SYNPO2: variants seen among roughly 807,000 people sequenced by gnomAD.
SYNPO2 encodes the protein synaptopodin 2, also known as synaptopodin-2.
A neutral mutation model predicts 85.0 loss-of-function variants in SYNPO2; 56 were observed. The observed-to-expected ratio is 0.66, with a 90% CI of 0.53 to 0.82. The LOEUF (loss-of-function observed/expected upper bound fraction) is 0.82, where lower values mean the gene tolerates loss of function less well. Ranked by LOEUF, SYNPO2 falls within the 40% of genes least tolerant of loss-of-function variation. The pLI is 0.00. For synonymous variants in SYNPO2, 602 were observed against 591.1 expected (o/e 1.02, Z -0.27); for missense variants, 1,575 against 1,534.2 (o/e 1.03, Z -0.44).
intron 1 of SYNPO2, among the ~76,000 whole-genome samples, chr4:118,946,971 T>G (rs1734526224): frequency 6.6e-6 from 1 of 152,248 alleles, no homozygotes; most frequent in Non-Finnish European, 1.5e-5. Flanking sequence ...TTAGTTGTGT[T>G]GCTTTCAGGA....
At chr4:118,930,934 AAAAT>A (rs1163564978) in intron 1 of SYNPO2, among the ~76,000 whole-genome samples, 11 of 131,326 alleles carry the variant, frequency 8.4e-5, no homozygotes, top group Middle Eastern at 4.2e-3. Flanking sequence ...AAAAAAAAAA[AAAAT>A]GGTAAGTATC....
intron 1 of SYNPO2, among the ~76,000 whole-genome samples, chr4:119,007,045 G>A (rs954042100): frequency 2.3e-4 from 34 of 150,270 alleles, no homozygotes; most frequent in African/African-American, 8.1e-4. Flanking sequence ...AATGTACTTG[G>A]CTCTTTGTAC....
intron 1 of SYNPO2, chr4:118,851,015 G>T: frequency 2.5e-6 from 1 of 398,548 alleles, no homozygotes; most frequent in South Asian, 1.3e-4. Context: ...ATTATTGCCT[G>T]CGAATATCAG....
At chr4:118,997,102 T>C (rs1295318430) in intron 1 of SYNPO2, among the ~76,000 whole-genome samples, 2 of 149,316 alleles carry the variant, frequency 1.3e-5, no homozygotes, top group Non-Finnish European at 3.0e-5. Context: ...TAGCAGGGCG[T>C]AGTGGCGGGC....
In SYNPO2 at chr4:118,986,546, T is replaced by C. The variant is rs554788585; in HGVS notation, c.106-36884T>C. Among the ~76,000 whole-genome samples the C allele has an allele frequency of 2.6e-4, 40 of 152,274 alleles. 1 individual carries two copies. In the South Asian group the frequency reaches 8.3e-3, roughly 32 times the overall value. Reference sequence around the variant, plus strand: ...CAATTGGCATTGGTGATACCAAAGGTATCTATGAGAACATCACTGGCCCAT... The same window carrying C: ...CAATTGGCATTGGTGATACCAAAGGCATCTATGAGAACATCACTGGCCCAT... On this transcript the variant is annotated intron_variant, in intron 1 of 4. Transcript: ENST00000307142.
intron 4 of SYNPO2, chr4:119,034,275 G>T (rs1561012858): frequency 6.1e-6 from 6 of 985,264 alleles, no homozygotes; most frequent in Non-Finnish European, 7.2e-6. Flanking sequence ...TGAATTAGAG[G>T]AAAGACATGG....
In SYNPO2 at chr4:119,031,650, C is replaced by T; in HGVS notation, c.2875C>T (p.Leu959Phe). Residue 959 changes from leucine (L) to phenylalanine (F), a missense_variant, in exon 4 of 5, where the codon CTC becomes TTC. By Grantham distance (22) the Leu-to-Phe change is conservative (BLOSUM62 0). This residue lies in a region of SYNPO2 where 1,508 missense variants were observed against 1,446.8 expected (regional missense o/e 1.04). Coordinates refer to ENST00000307142, the MANE Select transcript of SYNPO2 (RefSeq NM_133477.3). ...GGGCAAGAAAAAGGGAAAGAAACCC[C>T]TCAATGCATTAGATGTCATGAAGCA... ...KMGKKKGKKP[L>F]NALDVMKHQP... is the part of the protein sequence containing the mutation. 1 of 1,614,186 alleles carries T rather than the reference C, an allele frequency of 6.2e-7. No individual in the cohort carries two copies. The highest frequency in any genetic ancestry group is 8.5e-7 in the Non-Finnish European group (1 of 1,180,040).
intron 1 of SYNPO2, among the ~76,000 whole-genome samples, chr4:118,868,021 C>T (rs968238811): frequency 2.0e-5 from 3 of 148,288 alleles, no homozygotes; most frequent in African/African-American, 2.5e-5. Context: ...TTGCAGTGAC[C>T]TAATCTACTC....
At chr4:119,001,880 T>C (rs1283844857) in intron 1 of SYNPO2, among the ~76,000 whole-genome samples, 1 of 152,206 alleles carries the variant, frequency 6.6e-6, no homozygotes. Context: ...TTCTAAAATA[T>C]ACATCTGTGT....
At chr4:118,941,108 T>C (rs977436472) in intron 1 of SYNPO2, among the ~76,000 whole-genome samples, 11 of 152,162 alleles carry the variant, frequency 7.2e-5, no homozygotes, top group Non-Finnish European at 1.5e-4. Context: ...AACAGACACC[T>C]CAAATTCAAC....
Position 119,029,849 on chromosome 4 carries a change from C to G in SYNPO2, c.1074C>G (p.Leu358=). The G allele has an allele frequency of 6.4e-7, 1 of 1,572,608 alleles. No individual in the cohort carries two copies. The highest frequency in any genetic ancestry group is 8.6e-7 in the Non-Finnish European group (1 of 1,159,334). The change falls in exon 4 of 5, where the codon CTC becomes CTG. Residue 358 remains leucine, a synonymous_variant. Coordinates refer to ENST00000307142, the MANE Select transcript of SYNPO2 (RefSeq NM_133477.3). ...TTTTTTTTTTGCTTTCCCTAGGGCT[C>G]AGGAGGAGTGAAAGCCTGTCAGAAA... ...PHKHRARHAR[L]RRSESLSEKQ...
intron 1 of SYNPO2, among the ~76,000 whole-genome samples, chr4:118,962,043 T>G (rs1735116571): frequency 6.6e-6 from 1 of 152,198 alleles, no homozygotes; most frequent in South Asian, 2.1e-4. Context: ...ATAAGAGCAA[T>G]CACCCTGTGT....
At chr4:119,051,542 C>G (rs1013328866) in intron 4 of SYNPO2, among the ~76,000 whole-genome samples, 2 of 152,062 alleles carry the variant, frequency 1.3e-5, no homozygotes, top group Non-Finnish European at 2.9e-5. Flanking sequence ...AATCTAGAGC[C>G]TAAGGATTGA....
At chr4:118,927,858 G>A (rs1390932961) in intron 1 of SYNPO2, among the ~76,000 whole-genome samples, 1 of 151,954 alleles carries the variant, frequency 6.6e-6, no homozygotes, top group African/African-American at 2.4e-5. Context: ...TTGGAAAAAT[G>A]CATTCTGCCT....
intron 4 of SYNPO2, among the ~76,000 whole-genome samples, chr4:119,054,120 A>ATGAG (rs1246113551): frequency 6.6e-6 from 1 of 152,238 alleles, no homozygotes; most frequent in Non-Finnish European, 1.5e-5. Flanking sequence ...GAGGGAGCAC[A>ATGAG]TGAGTGAGTG....
Position 118,953,175 on chromosome 4 carries a change from C to T in SYNPO2, c.105+64034C>T, listed in dbSNP as rs554798283. Among the ~76,000 whole-genome samples, 5 of 152,242 alleles carry T rather than the reference C, an allele frequency of 3.3e-5. No individual in the cohort carries two copies. The South Asian group carries it at 8.3e-4, about 25-fold the overall frequency. On this transcript the variant is annotated intron_variant, in intron 1 of 4. Coordinates refer to ENST00000307142, the MANE Select transcript of SYNPO2 (RefSeq NM_133477.3). ...TAAAGGCTCAGTATGAGTTTAAACA[C>T]GTTGGTCATCTTCACGTTGTTTGGT...
chr4:118,932,437 T>C (rs1008781400), intron 1 of SYNPO2, among the ~76,000 whole-genome samples: 26 of 152,240 alleles, frequency 1.7e-4, no homozygotes, highest in African/African-American at 6.0e-4. Context: ...TAATAAAATA[T>C]TTTATCCTAT....
chr4:118,919,841 G>A (rs1008110701), intron 1 of SYNPO2, among the ~76,000 whole-genome samples: 1 of 152,196 alleles, frequency 6.6e-6, no homozygotes, highest in Non-Finnish European at 1.5e-5. Context: ...GGCTCACTAT[G>A]CAGCAAACAA....
chr4:118,928,150 AG>A (rs1165563161), intron 1 of SYNPO2, among the ~76,000 whole-genome samples: 1 of 152,206 alleles, frequency 6.6e-6, no homozygotes, highest in Non-Finnish European at 1.5e-5. Context: ...CAAGAAGGCA[AG>A]TAGGCACAAT....
Sources: allele counts gnomAD v4.1 joint callset (sites outside exome capture counted in the v4.1 genomes callset), GRCh38; gene constraint gnomAD v4.1.1; regional missense constraint gnomAD v4.1.1; transcripts MANE v1.5; gene names NCBI Gene and HGNC (gene_info 2026-07-23, HGNC 2026-07-21).